MYO7B: variants seen among roughly 807,000 people sequenced by gnomAD.
MYO7B encodes myosin VIIB, also known as unconventional myosin-VIIb.
Under a neutral mutation model 259.7 loss-of-function variants are expected in MYO7B, and 212 were observed. The observed-to-expected ratio is 0.82, with a 90% CI of 0.73 to 0.91. The LOEUF is 0.91. Among genes scored for constraint, MYO7B ranks in the 40% least tolerant of loss-of-function variants. The pLI is 0.00. For synonymous variants in MYO7B, 1,197 were observed against 1,166.4 expected (o/e 1.03, Z -0.54); for missense variants, 2,732 against 2,813.5 (o/e 0.97, Z 0.66).
In MYO7B at chr2:127,596,452, C is replaced by T. The variant is rs1305879407; in HGVS notation, c.2245-10C>T. 1 of 1,610,028 alleles carries T rather than the reference C, an allele frequency of 6.2e-7. No homozygotes were observed. Among genetic ancestry groups the T allele is most frequent in the South Asian group, 1.1e-5 (1 of 90,492 alleles). On this transcript the variant is annotated splice_polypyrimidine_tract_variant and intron_variant, in intron 18 of 47. Transcript: ENST00000409816. Reference sequence around the variant, plus strand: ...TGAGCAGCCCAGTGACGGCGTCTCTCCTGTTCCAGGATCATCAGGACACTC... The same window carrying T: ...TGAGCAGCCCAGTGACGGCGTCTCTTCTGTTCCAGGATCATCAGGACACTC...
In MYO7B at chr2:127,636,858, A is replaced by C; in HGVS notation, c.6272A>C (p.His2091Pro). The part of the protein sequence containing the change: ...SSWSSGSTYF[H>P]MALGSLGRGS... ...TGGAGCAGCGGCAGCACCTACTTCCACATGGCGCTGGGGAGCCTGGGCCGT... is the reference window on the plus strand; with the variant it reads ...TGGAGCAGCGGCAGCACCTACTTCCCCATGGCGCTGGGGAGCCTGGGCCGT... Residue 2091 changes from histidine (H) to proline (P), a missense_variant, in exon 47 of 48, where the codon CAC (histidine) becomes CCC (proline). This residue lies in a region of MYO7B where 821 missense variants were observed against 769.3 expected (regional missense o/e 1.07). Transcript: ENST00000409816. The surrounding 1 kb of genome is among the most constrained non-coding windows in gnomAD (Gnocchi z 4.5). 4 of 1,611,914 alleles carry C rather than the reference A, an allele frequency of 2.5e-6. No homozygotes were observed. The highest frequency in any genetic ancestry group is 1.7e-6 in the Non-Finnish European group (2 of 1,179,342).
chr2:127,559,630 C>A lies in MYO7B; in HGVS notation c.-23-70C>A, dbSNP rs984015831. ...GGGAAGTGTTGGTGAACAAGCCCAG[C>A]TCCTGTGCTCCAGGGGCTCCTATTG... is the stretch of plus-strand genomic sequence containing the variant. On this transcript the variant is annotated intron_variant, in intron 1 of 47. Transcript: ENST00000409816. This position sits in a 1 kb window ranked among gnomAD's most constrained non-coding sequence, Gnocchi z 4.1. 28 of 1,464,070 alleles carry A rather than the reference C, an allele frequency of 1.9e-5. No homozygotes were observed. Among genetic ancestry groups the A allele is most frequent in the Non-Finnish European group, 2.6e-5 (27 of 1,044,494 alleles). The allele number at this position is 1,464,070 out of a possible 1,614,324, so 90.7% of individuals were successfully genotyped here.
chr2:127,623,920 T>A (rs1316878802), intron 29 of MYO7B, among the ~76,000 whole-genome samples, 173 bp from the exon 30 acceptor site: 1 of 152,206 alleles, frequency 6.6e-6, no homozygotes, highest in Non-Finnish European at 1.5e-5. Flanking sequence ...GGGCCATTGC[T>A]GTGTGGAGAA....
intron 3 of MYO7B, among the ~76,000 whole-genome samples, chr2:127,564,843 G>T (rs576861314): frequency 1.6e-4 from 24 of 152,354 alleles, no homozygotes; most frequent in African/African-American, 4.8e-4. Context: ...TTCTATTTGT[G>T]TGACACTGTA....
rs3034060 is a variant in MYO7B at position 127,546,762 on chromosome 2, GTCCATCCA to G, written c.-24+10966_-24+10973del. Among the ~76,000 whole-genome samples the G allele has an allele frequency of 4.1e-3, 616 of 149,432 alleles. 3 individuals are homozygous for G. Among genetic ancestry groups the G allele is most frequent in the Non-Finnish European group, 6.9e-3 (466 of 67,442 alleles). On this transcript the variant is annotated intron_variant, in intron 1 of 47. Transcript: ENST00000409816. This position sits in a 1 kb window ranked among gnomAD's most constrained non-coding sequence, Gnocchi z 4.2. ...ATGCCTCACCTGCTTTCCTGGGTAG[GTCCATCCA>G]TCCATCCATCCATCCATCCATCCAT...
chr2:127,634,633 C>T lies in MYO7B; in HGVS notation c.5663C>T (p.Ser1888Phe). 6.2e-7 allele frequency: 1 copy of T among 1,612,954 alleles called. No individual in the cohort carries two copies. Among genetic ancestry groups the T allele is most frequent in the Non-Finnish European group, 8.5e-7 (1 of 1,179,570 alleles). The change falls in exon 42 of 48, where the codon TCC (serine) becomes TTC (phenylalanine). Residue 1888 changes from serine to phenylalanine, a missense_variant. Transcript: ENST00000409816. ...AAGGAGGGAGACTTCTTCTTTGATT[C>T]CTTGAGGGAGGTGTCTGACTGGGTG... ...SQKEGDFFFD[S>F]LREVSDWVKK...
At position 127,546,377 on chromosome 2, in the gene MYO7B, C is replaced by T. The variant is rs909127363; in HGVS notation, c.-24+10546C>T. 1.3e-5 allele frequency among the ~76,000 whole-genome samples: 2 copies of T among 152,202 alleles called. No individual in the cohort carries two copies. The highest frequency in any genetic ancestry group is 1.5e-5 in the Non-Finnish European group (1 of 68,038). On this transcript the variant is annotated intron_variant, in intron 1 of 47. Coordinates refer to ENST00000409816, the MANE Select transcript of MYO7B (RefSeq NM_001393586.1). This position sits in a 1 kb window ranked among gnomAD's most constrained non-coding sequence, Gnocchi z 4.2. ...CACTCAGCTGCTTGCCCACTCCAGC[C>T]CTGTCCTGGTCCAGCAATGCTTTGA...
chr2:127,591,425 C>T (rs1192420196), intron 16 of MYO7B, among the ~76,000 whole-genome samples: 1 of 152,196 alleles, frequency 6.6e-6, no homozygotes, highest in African/African-American at 2.4e-5. Flanking sequence ...TGGGATATCT[C>T]TCATTGGTGG....
Position 127,559,866 on chromosome 2 carries a change from T to C in MYO7B, c.18+126T>C. The C allele has an allele frequency of 8.8e-7, 1 of 1,131,722 alleles. No homozygotes were observed. Among genetic ancestry groups the C allele is most frequent in the African/African-American group, 1.5e-5 (1 of 64,900 alleles). The allele number at this position is 1,131,722 out of a possible 1,614,324, so 70.1% of individuals were successfully genotyped here. A position where few individuals can be genotyped will look rare whatever the true frequency, so the allele number is the denominator to read the frequency against. ...TAGGAAAATACCAGAGACAGGGGAG[T>C]TTAGGAAACACGACAGATTCTAGCA... is the stretch of plus-strand genomic sequence containing the variant. On this transcript the variant is annotated intron_variant, in intron 2 of 47. Transcript: ENST00000409816. The surrounding 1 kb of genome is among the most constrained non-coding windows in gnomAD (Gnocchi z 4.1).
Position 127,631,366 on chromosome 2 carries a change from A to G in MYO7B, c.5095+3A>G, listed in dbSNP as rs1244306892. On this transcript the variant is annotated splice_donor_region_variant and intron_variant, in intron 37 of 47. Coordinates refer to ENST00000409816, the MANE Select transcript of MYO7B (RefSeq NM_001393586.1). ...CATCGCCTGCCAGATCTTTGTCGAT[A>G]TCCTTCCCCACCAGCCTGCCTGCAC... The G allele has an allele frequency of 1.9e-6, 3 of 1,602,628 alleles. No individual in the cohort carries two copies. Among genetic ancestry groups the G allele is most frequent in the African/African-American group, 1.3e-5 (1 of 74,750 alleles).
intron 4 of MYO7B, among the ~76,000 whole-genome samples, chr2:127,565,782 C>G (rs183143033): frequency 1.8e-3 from 272 of 152,314 alleles, no homozygotes; most frequent in African/African-American, 6.3e-3. Flanking sequence ...ATTCACCAGA[C>G]GAGGGGGCCA....
rs575557554 is a variant in MYO7B at position 127,574,293 on chromosome 2, T to C, written c.735+231T>C. On this transcript the variant is annotated intron_variant, in intron 7 of 47. Coordinates refer to ENST00000409816, the MANE Select transcript of MYO7B (RefSeq NM_001393586.1). ...CGCACGCCTCTAATCCCAGCACTTA[T>C]GGGAGGCCAAAGCGGGTGGGTTACT... Among the ~76,000 whole-genome samples, 95 of 152,174 alleles carry C rather than the reference T, an allele frequency of 6.2e-4. 2 individuals are homozygous for C. Among genetic ancestry groups the C allele is most frequent in the African/African-American group, 2.1e-3 (88 of 41,508 alleles).
Position 127,635,903 on chromosome 2 carries a change from A to T in MYO7B, c.6002A>T (p.Lys2001Ile). 6.4e-7 allele frequency: 1 copy of T among 1,568,456 alleles called. No individual in the cohort carries two copies. Among genetic ancestry groups the T allele is most frequent in the East Asian group, 2.4e-5 (1 of 41,944 alleles). ...CGCCTGATGTCCTCGGAGGAGTGGAAAAAGGTCCCTGGTCGGGCTGGGGAA... is the reference window on the plus strand; with the variant it reads ...CGCCTGATGTCCTCGGAGGAGTGGATAAAGGTCCCTGGTCGGGCTGGGGAA... Reference protein sequence around the residue: ...LTRLMSSEEWKKSILLAYDKH... With the variant: ...LTRLMSSEEWIKSILLAYDKH... The change falls in exon 44 of 48, where the codon AAA (lysine) becomes ATA (isoleucine). Residue 2001 changes from lysine (K) to isoleucine (I), a missense_variant. Transcript: ENST00000409816.
chr2:127,547,343 G>A (rs1573606953), intron 1 of MYO7B, among the ~76,000 whole-genome samples: 1 of 152,222 alleles, frequency 6.6e-6, no homozygotes, highest in Non-Finnish European at 1.5e-5. Flanking sequence ...CGCAGCCTCT[G>A]CATGTGAGGA....
intron 26 of MYO7B, among the ~76,000 whole-genome samples, chr2:127,616,226 TA>T (rs200489343): frequency 6.6e-5 from 10 of 151,296 alleles, no homozygotes; most frequent in South Asian, 2.1e-4. Flanking sequence ...GCAATAACAA[TA>T]AAAAAAAATC....
chr2:127,634,698 G>T lies in MYO7B; in HGVS notation c.5713+15G>T. On this transcript the variant is annotated intron_variant, in intron 42 of 47. Coordinates refer to ENST00000409816, the MANE Select transcript of MYO7B (RefSeq NM_001393586.1). ...CCAGAAAGAAGGTGAGGAGGCCTCT[G>T]TGGAGCTGGGGGAGGGCGTGGCTGG... 1 of 1,601,632 alleles carries T rather than the reference G, an allele frequency of 6.2e-7. No homozygotes were observed. Among genetic ancestry groups the T allele is most frequent in the Non-Finnish European group, 8.5e-7 (1 of 1,176,338 alleles).
Position 127,637,569 on chromosome 2 carries a change from C to A in MYO7B, c.*152C>A, listed in dbSNP as rs867626978. The A allele has an allele frequency of 1.4e-4, 85 of 608,198 alleles. No homozygotes were observed. The African/African-American group carries it at 1.5e-3, about 11-fold the overall frequency. The allele number at this position is 608,198 out of a possible 1,614,324, so 37.7% of individuals were successfully genotyped here. A position where few individuals can be genotyped will look rare whatever the true frequency, so the allele number is the denominator to read the frequency against. ...CCCACTCAGCCCCGCAGGCGGCCCCCTCTGTCCTGGGCGCTGCCCAGGGAG... is the reference window on the plus strand; with the variant it reads ...CCCACTCAGCCCCGCAGGCGGCCCCATCTGTCCTGGGCGCTGCCCAGGGAG... On this transcript the variant is annotated 3_prime_UTR_variant, in exon 48 of 48. Coordinates refer to ENST00000409816, the MANE Select transcript of MYO7B (RefSeq NM_001393586.1).
chr2:127,552,819 C>A (rs1266744538), intron 1 of MYO7B, among the ~76,000 whole-genome samples: 4 of 152,210 alleles, frequency 2.6e-5, no homozygotes, highest in Non-Finnish European at 5.9e-5. Context: ...AAAGAGCTGT[C>A]TGGGAGCCAG....
chr2:127,616,035 G>T (rs1680559811), intron 26 of MYO7B, among the ~76,000 whole-genome samples: 1 of 152,156 alleles, frequency 6.6e-6, no homozygotes, highest in African/African-American at 2.4e-5. Flanking sequence ...AGAAGCAAAG[G>T]CTTTTGTGGC....
Sources: allele counts gnomAD v4.1 joint callset (sites outside exome capture counted in the v4.1 genomes callset), GRCh38; gene constraint gnomAD v4.1.1; regional missense constraint gnomAD v4.1.1; non-coding constraint Gnocchi (gnomAD v3.1); transcripts MANE v1.5; gene names NCBI Gene and HGNC (gene_info 2026-07-23, HGNC 2026-07-21).